The following IGF2BP1 variants were observed in gnomAD, a reference collection of about 807,000 sequenced individuals.
The protein encoded by IGF2BP1 is insulin-like growth factor 2 mRNA-binding protein 1.
A neutral mutation model predicts 74.9 loss-of-function variants in IGF2BP1; 11 were observed. The ratio of observed to expected loss-of-function variants is 0.15; its 90% CI spans 0.09 to 0.24. The LOEUF (loss-of-function observed/expected upper bound fraction) is 0.24, where lower values mean the gene tolerates loss of function less well. IGF2BP1 is among the 10% of genes least tolerant of loss of function. The pLI is 1.00. For missense variants in IGF2BP1, 440 were observed against 757.4 expected, an observed-to-expected ratio of 0.58 and a Z score of 4.92; for synonymous variants, 287 against 281.8, an observed-to-expected ratio of 1.02 and a Z score of -0.18.
Position 49,049,510 on chromosome 17 carries a change from C to G in IGF2BP1, c.*66C>G. The G allele has an allele frequency of 7.2e-7, 1 of 1,393,062 alleles. No homozygotes were observed. 86.3% of individuals were successfully genotyped at this position (1,393,062 alleles called of 1,614,324 possible). On this transcript the variant is annotated 3_prime_UTR_variant, in exon 15 of 15. Transcript: ENST00000290341. ...GCAGAAATCGAGAGTGTGCTCTCCC[C>G]GGCAGGCCTGAGAATGAGTGGGAAT...
At position 48,997,540 on chromosome 17, in the gene IGF2BP1, G is replaced by A; in HGVS notation, c.-206G>A. The A allele has an allele frequency of 1.7e-6, 1 of 576,382 alleles. No homozygotes were observed. The highest frequency in any genetic ancestry group is 4.6e-4 in the Middle Eastern group (1 of 2,166). 35.7% of individuals were successfully genotyped at this position (576,382 alleles called of 1,614,324 possible). ...CCTGCGCGCCGCGGGCACTTCTCCTGGGCTCTCCCCGAACTCTCCCGCGAC... is the reference window on the plus strand; with the variant it reads ...CCTGCGCGCCGCGGGCACTTCTCCTAGGCTCTCCCCGAACTCTCCCGCGAC... On this transcript the variant is annotated 5_prime_UTR_variant, in exon 1 of 15. Coordinates refer to ENST00000290341, the MANE Select transcript of IGF2BP1 (RefSeq NM_006546.4). The surrounding 1 kb of genome is among the most constrained non-coding windows in gnomAD (Gnocchi z 4.8).
intron 4 of IGF2BP1, among the ~76,000 whole-genome samples, chr17:49,029,118 A>T (rs892904770): frequency 6.6e-6 from 1 of 151,954 alleles, no homozygotes; most frequent in Non-Finnish European, 1.5e-5. Flanking sequence ...TCTGATTTAT[A>T]TTTTTCCATA....
chr17:49,039,990 A>G lies in IGF2BP1; in HGVS notation c.717A>G (p.Ala239=). ...IDVHRKENAG[A]AEKAISVHST... is the part of the protein sequence containing the mutation. ...TGCATAGGAAGGAGAACGCAGGTGC[A>G]GCTGAAAAAGCCATCAGTGTGCACT... Residue 239 remains alanine, a synonymous_variant, in exon 7 of 15, where the codon GCA becomes GCG. Transcript: ENST00000290341. 2 of 1,613,270 alleles carry G rather than the reference A, an allele frequency of 1.2e-6. No homozygotes were observed. The highest frequency in any genetic ancestry group is 2.7e-5 in the African/African-American group (2 of 75,000).
intron 10 of IGF2BP1, 134 bp downstream of exon 10, chr17:49,043,684 C>T: frequency 8.8e-7 from 1 of 1,135,826 alleles, no homozygotes; most frequent in Admixed American, 2.4e-5. Context: ...AGAGGCATCC[C>T]TCCTCTCCAG....
chr17:49,045,946 G>A lies in IGF2BP1; in HGVS notation c.1452G>A (p.Glu484=), dbSNP rs1226602558. Residue 484 remains glutamate (E), a synonymous_variant, in exon 13 of 15, where the codon GAG becomes GAA. Transcript: ENST00000290341. ...AGGAGAACTTCTTTGGTCCCAAGGAGGAAGTGAAGCTGGAGACCCACATAC... is the reference window on the plus strand; with the variant it reads ...AGGAGAACTTCTTTGGTCCCAAGGAAGAAGTGAAGCTGGAGACCCACATAC... The part of the protein sequence containing the change: ...LKEENFFGPK[E]EVKLETHIRV... The A allele has an allele frequency of 1.2e-6, 2 of 1,614,166 alleles. No individual in the cohort carries two copies. Among genetic ancestry groups the A allele is most frequent in the South Asian group, 1.1e-5 (1 of 91,088 alleles).
intron 2 of IGF2BP1, among the ~76,000 whole-genome samples, chr17:49,010,417 C>A (rs1485890169): frequency 6.6e-6 from 1 of 150,428 alleles, no homozygotes; most frequent in Non-Finnish European, 1.5e-5. Context: ...CCCGGGTTCA[C>A]GTCATTCTCC....
chr17:49,039,854 A>G, intron 6 of IGF2BP1, 103 bp from the exon 7 acceptor site: 1 of 1,224,416 alleles, frequency 8.2e-7, no homozygotes, highest in Non-Finnish European at 1.2e-6. Flanking sequence ...TTTCAAGAAG[A>G]GCAGGTTCTA....
intron 14 of IGF2BP1, among the ~76,000 whole-genome samples, chr17:49,048,473 G>A (rs1370722876): frequency 6.6e-6 from 1 of 151,576 alleles, no homozygotes; most frequent in Non-Finnish European, 1.5e-5. Context: ...GTCTGCTCTC[G>A]AACTCCTGAC....
intron 2 of IGF2BP1, among the ~76,000 whole-genome samples, chr17:49,000,891 G>A (rs989062011): frequency 2.6e-5 from 4 of 151,680 alleles, no homozygotes; most frequent in African/African-American, 7.3e-5. Flanking sequence ...GCATTACTGA[G>A]GGCTCTTTTT....
At position 49,050,888 on chromosome 17, in the gene IGF2BP1, A is replaced by G. The variant is rs967389969; in HGVS notation, c.*1444A>G. The G allele has an allele frequency of 6.6e-6, 1 of 152,632 alleles. No individual in the cohort carries two copies. Among genetic ancestry groups the G allele is most frequent in the African/African-American group, 2.4e-5 (1 of 41,448 alleles). The allele number at this position is 152,632 out of a possible 1,614,324, so 9.5% of individuals were successfully genotyped here. On this transcript the variant is annotated 3_prime_UTR_variant, in exon 15 of 15. Transcript: ENST00000290341. Reference sequence around the variant, plus strand: ...CCTAATATACTGATTGACAATGCATATTAGCCAGGTAATGCACTTTAGCTA... The same window carrying G: ...CCTAATATACTGATTGACAATGCATGTTAGCCAGGTAATGCACTTTAGCTA...
intron 5 of IGF2BP1, chr17:49,036,508 A>C (rs2041990319): frequency 6.6e-6 from 1 of 152,240 alleles, no homozygotes; most frequent in African/African-American, 2.4e-5. Flanking sequence ...GAGGAGCTAA[A>C]ATTTCGAGAC....
intron 2 of IGF2BP1, chr17:49,014,756 G>A: frequency 1.0e-6 from 1 of 985,334 alleles, no homozygotes; most frequent in Non-Finnish European, 1.2e-6. Flanking sequence ...CTGGTGCCCA[G>A]ATGTTTGCCC....
At chr17:49,030,876 G>A (rs538812768) in intron 4 of IGF2BP1, among the ~76,000 whole-genome samples, 12 of 152,204 alleles carry the variant, frequency 7.9e-5, no homozygotes, top group African/African-American at 2.2e-4. Flanking sequence ...TGATCTACCC[G>A]CCTTGGCCTC....
intron 5 of IGF2BP1, among the ~76,000 whole-genome samples, chr17:49,032,264 T>A (rs2041931574): frequency 6.6e-6 from 1 of 152,152 alleles, no homozygotes; most frequent in African/African-American, 2.4e-5. Context: ...GGAAATCCCT[T>A]GCAGAGAAAA....
intron 2 of IGF2BP1, among the ~76,000 whole-genome samples, chr17:49,019,955 T>TATATATTTATATAC (rs2041767170): frequency 2.5e-4 from 20 of 78,448 alleles, no homozygotes; most frequent in Non-Finnish European, 3.7e-4. Context: ...TATATTTATA[T>TATATATTTATATAC]ACACACACAC....
intron 14 of IGF2BP1, among the ~76,000 whole-genome samples, chr17:49,046,632 T>A (rs1383288460): frequency 6.7e-6 from 1 of 149,452 alleles, no homozygotes; most frequent in Non-Finnish European, 1.5e-5. Flanking sequence ...ATTATATATA[T>A]AAATAACATA....
chr17:48,997,035 C>T (rs1442452203), upstream of IGF2BP1, among the ~76,000 whole-genome samples: 1 of 152,142 alleles, frequency 6.6e-6, no homozygotes. The surrounding 1 kb of genome is among the most constrained non-coding windows in gnomAD (Gnocchi z 4.8). Flanking sequence ...AGCAACCCCG[C>T]CCCCCAAAAC....
chr17:49,055,479 T>G lies in IGF2BP1; in HGVS notation c.*6035T>G. The G allele has an allele frequency of 5.4e-5, 20 of 372,490 alleles. No homozygotes were observed. The highest frequency in any genetic ancestry group is 7.1e-5 in the Non-Finnish European group (15 of 209,854). The allele number at this position is 372,490 out of a possible 1,614,324, so 23.1% of individuals were successfully genotyped here. On this transcript the variant is annotated 3_prime_UTR_variant, in exon 15 of 15. Coordinates refer to ENST00000290341, the MANE Select transcript of IGF2BP1 (RefSeq NM_006546.4). The stretch of plus-strand genomic sequence containing the variant: ...AGCTCCCCCAGGAATAAAGGCTTTG[T>G]TTTGGGGATGCTTAAATCTTGACTG...
intron 5 of IGF2BP1, chr17:49,036,501 G>A (rs1164255221): frequency 2.6e-5 from 4 of 152,082 alleles, no homozygotes; most frequent in Admixed American, 1.3e-4. Flanking sequence ...GACTGCGGAG[G>A]AGCTAAAATT....
Sources: gnomAD v4.1 joint callset for allele counts (sites outside exome capture counted in the v4.1 genomes callset) on GRCh38, gnomAD v4.1.1 for gene constraint, Gnocchi (gnomAD v3.1) non-coding constraint, MANE v1.5 for transcripts, NCBI Gene and HGNC (gene_info 2026-07-23, HGNC 2026-07-21) for gene names.